GALNT13: variants seen among roughly 807,000 people sequenced by gnomAD.
GALNT13 encodes polypeptide N-acetylgalactosaminyltransferase 13.
In GALNT13, 28 loss-of-function variants were observed where a neutral mutation model predicts 64.2. The ratio of observed to expected loss-of-function variants is 0.44; its 90% CI spans 0.32 to 0.60. The LOEUF (loss-of-function observed/expected upper bound fraction) is 0.60, where lower values mean the gene tolerates loss of function less well. GALNT13 is among the 20% of genes least tolerant of loss of function. The probability of loss-of-function intolerance (pLI) is 0.05; values close to 1 mark genes in which losing one functional copy is unlikely to be tolerated. For synonymous variants in GALNT13, 214 were observed against 224.6 expected (o/e 0.95, Z 0.42); for missense variants, 577 against 669.8 (o/e 0.86, Z 1.53).
chr2:153,902,115 C>A (rs1170518146), intron 2 of GALNT13, among the ~76,000 whole-genome samples: 1 of 152,080 alleles, frequency 6.6e-6, no homozygotes, highest in Non-Finnish European at 1.5e-5. Flanking sequence ...TGGTCCTAAC[C>A]CCTGTACACT....
At chr2:153,881,745 C>A (rs1034851505) in intron 1 of GALNT13, among the ~76,000 whole-genome samples, 1 of 151,972 alleles carries the variant, frequency 6.6e-6, no homozygotes, top group Non-Finnish European at 1.5e-5. Context: ...TCTTTTTTTG[C>A]AAATGTTAAT....
intron 1 of GALNT13, among the ~76,000 whole-genome samples, chr2:153,879,538 AT>A (rs35455789): frequency 0.45 from 65,847 of 146,174 alleles, 15,192 homozygotes; most frequent in East Asian, 0.94. Flanking sequence ...CTAATTTTTA[AT>A]TTTTTTTTTT....
the GALNT13 span, among the ~76,000 whole-genome samples, chr2:153,810,948 G>GT: frequency 3.4e-3 from 515 of 152,202 alleles, 5 homozygotes; most frequent in African/African-American, 0.012. Flanking sequence ...AATTGTCATT[G>GT]TTTTACTATA....
At chr2:153,478,264 A>G in the GALNT13 span, 14 of 1,613,586 alleles carry the variant, frequency 8.7e-6, no homozygotes, top group Non-Finnish European at 1.2e-5. Context: ...CACCGCCTCC[A>G]CCTCCTTAGA....
At chr2:153,559,554 T>C in the GALNT13 span, among the ~76,000 whole-genome samples, 3 of 152,278 alleles carry the variant, frequency 2.0e-5, no homozygotes, top group Admixed American at 6.5e-5. Context: ...GATTGTGCTC[T>C]GTACTTCCTA....
chr2:154,140,454 C>A lies in GALNT13; in HGVS notation c.260C>A (p.Ala87Asp), dbSNP rs766894288. The A allele has an allele frequency of 1.3e-5, 21 of 1,612,096 alleles. No individual in the cohort carries two copies. The highest frequency in any genetic ancestry group is 1.7e-5 in the Non-Finnish European group (20 of 1,178,484). ...AAAATCAATCAGTTTAACCTTATGG[C>A]CAGTGATTTGATTGCCCTTAATAGA... ...LFKINQFNLMASDLIALNRSL... is the reference protein window; with the variant it reads ...LFKINQFNLMDSDLIALNRSL... Residue 87 changes from alanine to aspartate, a missense_variant, in exon 4 of 13, where the codon GCC becomes GAC. By Grantham distance (126) the Ala-to-Asp change is moderately radical. Transcript: ENST00000392825.
At chr2:153,547,694 T>C in the GALNT13 span, among the ~76,000 whole-genome samples, 1 of 152,150 alleles carries the variant, frequency 6.6e-6, no homozygotes, top group South Asian at 2.1e-4. Flanking sequence ...GTTTAGAAAT[T>C]ATATAGAGTA....
chr2:153,916,628 A>G (rs976501101), intron 2 of GALNT13, among the ~76,000 whole-genome samples: 8 of 152,184 alleles, frequency 5.3e-5, no homozygotes, highest in Non-Finnish European at 2.9e-5. Context: ...AACTGTGTTT[A>G]AATGTTTCGG....
intron 1 of GALNT13, among the ~76,000 whole-genome samples, chr2:153,884,570 C>A (rs1470795162): frequency 6.6e-6 from 1 of 151,366 alleles, no homozygotes; most frequent in Admixed American, 6.6e-5. Context: ...TGGATTTAGT[C>A]CTGATAAAGC....
At chr2:154,189,533 C>T (rs1003086770) in intron 4 of GALNT13, among the ~76,000 whole-genome samples, 12 of 150,294 alleles carry the variant, frequency 8.0e-5, no homozygotes, top group African/African-American at 2.5e-4. Context: ...AGAGTCCTCA[C>T]GTCCGCACCT....
At chr2:153,532,114 C>A in the GALNT13 span, among the ~76,000 whole-genome samples, 13 of 152,064 alleles carry the variant, frequency 8.5e-5, no homozygotes, top group Non-Finnish European at 1.6e-4. Flanking sequence ...TCCAACCACA[C>A]ATTTTCCCAC....
chr2:153,748,712 A>G, the GALNT13 span, among the ~76,000 whole-genome samples: 1 of 151,870 alleles, frequency 6.6e-6, no homozygotes, highest in African/African-American at 2.4e-5. Flanking sequence ...ATTTTCTCCC[A>G]TTTTGTGAGT....
chr2:153,879,538 ATT>A lies in GALNT13; in HGVS notation c.-177+7248_-177+7249del, dbSNP rs35455789. Among the ~76,000 whole-genome samples the A allele has an allele frequency of 8.4e-3, 1,223 of 146,264 alleles. 17 individuals are homozygous for A. The highest frequency in any genetic ancestry group is 0.028 in the African/African-American group (1,137 of 39,932). ...TGCTGCCATGTCAGGCTAATTTTTAATTTTTTTTTTTTTTGGTAGAGACAGAG... is the reference window on the plus strand; with the variant it reads ...TGCTGCCATGTCAGGCTAATTTTTAATTTTTTTTTTTTGGTAGAGACAGAG... On this transcript the variant is annotated intron_variant, in intron 1 of 12. Coordinates refer to ENST00000392825, the MANE Select transcript of GALNT13 (RefSeq NM_052917.4).
intron 7 of GALNT13, among the ~76,000 whole-genome samples, chr2:154,255,132 A>C (rs1690300924): frequency 6.6e-6 from 1 of 152,188 alleles, no homozygotes; most frequent in African/African-American, 2.4e-5. Flanking sequence ...TCTACAGAAC[A>C]ATGCAATAGG....
rs188935011 is a variant in GALNT13 at position 153,936,121 on chromosome 2, C to T, written c.-104-8273C>T. Among the ~76,000 whole-genome samples the T allele has an allele frequency of 8.2e-3, 1,249 of 152,288 alleles. 7 individuals carry two copies. The highest frequency in any genetic ancestry group is 0.013 in the South Asian group (64 of 4,828). ...TCTGTGTCTGCAGTTTCTGCATTCG[C>T]AGATTCAAGTAACCTTGGATTGAAA... is the stretch of plus-strand genomic sequence containing the variant. On this transcript the variant is annotated intron_variant, in intron 2 of 12. Coordinates refer to ENST00000392825, the MANE Select transcript of GALNT13 (RefSeq NM_052917.4).
At chr2:153,119,472 T>C in the GALNT13 span, among the ~76,000 whole-genome samples, 1 of 152,074 alleles carries the variant, frequency 6.6e-6, no homozygotes, top group Admixed American at 6.5e-5. Context: ...TATTGGAGAG[T>C]AGGAAACAAA....
the GALNT13 span, among the ~76,000 whole-genome samples, chr2:153,238,023 C>T: frequency 6.6e-6 from 1 of 151,990 alleles, no homozygotes; most frequent in Non-Finnish European, 1.5e-5. Context: ...GATAAAAAAC[C>T]ATTTTAACTG....
At chr2:153,224,708 G>A in the GALNT13 span, among the ~76,000 whole-genome samples, 5 of 152,240 alleles carry the variant, frequency 3.3e-5, no homozygotes, top group African/African-American at 1.2e-4. Flanking sequence ...ATGATAAAAG[G>A]ATACTATGAA....
In GALNT13 at chr2:154,300,172, G is replaced by A. The variant is rs554777318; in HGVS notation, c.976-1237G>A. On this transcript the variant is annotated intron_variant, in intron 8 of 12. Coordinates refer to ENST00000392825, the MANE Select transcript of GALNT13 (RefSeq NM_052917.4). ...CTGGAGTGCAATGGCGCGTGATCTC[G>A]GCTCACTGCAACCTCTGCCTCCCGA... Among the ~76,000 whole-genome samples, 7 of 135,984 alleles carry A rather than the reference G, an allele frequency of 5.1e-5. No individual in the cohort carries two copies. The South Asian group carries it at 1.4e-3, about 27-fold the overall frequency. 89.2% of individuals were successfully genotyped at this position (135,984 alleles called of 152,430 possible). A position where few individuals can be genotyped will look rare whatever the true frequency, so the allele number is the denominator to read the frequency against.
Sources: gnomAD v4.1 joint callset for allele counts (sites outside exome capture counted in the v4.1 genomes callset) on GRCh38, gnomAD v4.1.1 for gene constraint, MANE v1.5 for transcripts, NCBI Gene and HGNC (gene_info 2026-07-23, HGNC 2026-07-21) for gene names.